The following MOXD1 variants were observed in gnomAD, a reference collection of about 807,000 sequenced individuals.
MOXD1 encodes the protein monooxygenase DBH like 1.
A neutral mutation model predicts 66.6 loss-of-function variants in MOXD1; 62 were observed. The observed-to-expected ratio is 0.93, with a 90% CI of 0.76 to 1.15. The LOEUF is 1.15. Ranked by LOEUF, MOXD1 falls within the 50% of genes most tolerant of loss-of-function variation. MOXD1 has a pLI of 0.00. For synonymous variants in MOXD1, 303 were observed against 281.9 expected (o/e 1.07, Z -0.75); for missense variants, 847 against 754.6 (o/e 1.12, Z -1.44).
chr6:132,394,559 C>T (rs1776832936), intron 1 of MOXD1, among the ~76,000 whole-genome samples: 1 of 151,614 alleles, frequency 6.6e-6, no homozygotes, highest in Non-Finnish European at 1.5e-5. Context: ...AAAAATAATG[C>T]AAAGAAACCA....
chr6:132,301,079 T>A (rs1355538309), intron 10 of MOXD1, among the ~76,000 whole-genome samples: 2 of 152,064 alleles, frequency 1.3e-5, no homozygotes, highest in Non-Finnish European at 2.9e-5. Flanking sequence ...TTTCTGCTTT[T>A]ACTGGGATTA....
intron 4 of MOXD1, among the ~76,000 whole-genome samples, chr6:132,336,996 C>T (rs1775455323): frequency 1.3e-5 from 2 of 152,106 alleles, no homozygotes; most frequent in Admixed American, 1.3e-4. Context: ...GATGATGTTT[C>T]TCAGCACATG....
intron 6 of MOXD1, chr6:132,325,019 T>A (rs1775158783): frequency 6.6e-6 from 1 of 151,958 alleles, no homozygotes; most frequent in Admixed American, 6.6e-5. Context: ...TTTTAATTTT[T>A]TTCAGATGTA....
chr6:132,351,434 G>C (rs1775801427), intron 4 of MOXD1, among the ~76,000 whole-genome samples: 1 of 152,110 alleles, frequency 6.6e-6, no homozygotes, highest in South Asian at 2.1e-4. Flanking sequence ...TTTATGTGCT[G>C]TATCACATTT....
chr6:132,385,841 G>A (rs369692142), intron 1 of MOXD1, among the ~76,000 whole-genome samples: 1 of 152,090 alleles, frequency 6.6e-6, no homozygotes, highest in African/African-American at 2.4e-5. Context: ...GGTGGCTCAC[G>A]CCTGTAAATC....
In MOXD1 at chr6:132,372,881, T is replaced by A. The variant is rs750159373; in HGVS notation, c.528A>T (p.Lys176Asn). The change falls in exon 3 of 12, where the codon AAA becomes AAT. Residue 176 changes from lysine (K) to asparagine (N), a missense_variant. Transcript: ENST00000367963. ...TKSLRLLNPEKTSVLSTALPY... is the reference protein window; with the variant it reads ...TKSLRLLNPENTSVLSTALPY... The stretch of plus-strand genomic sequence containing the variant: ...GTAAGGCTGTAGATAGCACACTAGT[T>A]TTCTCAGGATTCAATAACCGCAAAC... 1.9e-6 allele frequency: 3 copies of A among 1,614,056 alleles called. No individual in the cohort carries two copies. The Admixed American group carries it at 5.0e-5, about 27-fold the overall frequency.
chr6:132,338,583 A>G (rs1775486736), intron 4 of MOXD1, among the ~76,000 whole-genome samples: 1 of 152,122 alleles, frequency 6.6e-6, no homozygotes, highest in Non-Finnish European at 1.5e-5. Flanking sequence ...TACTCTCCCC[A>G]CCAGCCAACC....
At position 132,328,533 on chromosome 6, in the gene MOXD1, C is replaced by A; in HGVS notation, c.725G>T (p.Cys242Phe). 1 of 1,614,110 alleles carries A rather than the reference C, an allele frequency of 6.2e-7. No individual in the cohort carries two copies. Among genetic ancestry groups the A allele is most frequent in the Non-Finnish European group, 8.5e-7 (1 of 1,180,010 alleles). Residue 242 changes from cysteine to phenylalanine, a missense_variant, in exon 5 of 12, where the codon TGC becomes TTC. Transcript: ENST00000367963. Reference sequence around the variant, plus strand: ...AACGCTGTCGTTAAAGTTGTTGCTGCACTGATAGAGCAGGATGTGGTGCAC... The same window carrying A: ...AACGCTGTCGTTAAAGTTGTTGCTGAACTGATAGAGCAGGATGTGGTGCAC... ...SLVHHILLYQ[C>F]SNNFNDSVLE...
chr6:132,298,212 G>C (rs1041973155), intron 10 of MOXD1, among the ~76,000 whole-genome samples: 1 of 151,826 alleles, frequency 6.6e-6, no homozygotes, highest in Non-Finnish European at 1.5e-5. Context: ...ATAGATATGG[G>C]GTCTTGCTAT....
chr6:132,349,436 CATAT>C (rs1306974766), intron 4 of MOXD1, among the ~76,000 whole-genome samples: 363 of 17,238 alleles, frequency 0.021, 63 homozygotes, highest in South Asian at 0.12. Flanking sequence ...TATATATATA[CATAT>C]ATATATATAT....
Position 132,297,315 on chromosome 6 carries a change from A to G in MOXD1, c.1680T>C (p.Ile560=). 3 of 1,612,210 alleles carry G rather than the reference A, an allele frequency of 1.9e-6. No individual in the cohort carries two copies. Among genetic ancestry groups the G allele is most frequent in the Non-Finnish European group, 2.5e-6 (3 of 1,179,024 alleles). Reference sequence around the variant, plus strand: ...CTGGAGGTAATGCTGTCATTCCTTGAATCTGAAAATGGAAGCACAAACAAT... The same window carrying G: ...CTGGAGGTAATGCTGTCATTCCTTGGATCTGAAAATGGAAGCACAAACAAT... ...CSKTDNAEWS[I]QGMTALPPDI... Residue 560 remains isoleucine (I), a splice_region_variant and synonymous_variant, in exon 12 of 12, where the codon ATT becomes ATC. Transcript: ENST00000367963.
chr6:132,390,328 G>A lies in MOXD1; in HGVS notation c.264+10835C>T, dbSNP rs185774714. On this transcript the variant is annotated intron_variant, in intron 1 of 11. Coordinates refer to ENST00000367963, the MANE Select transcript of MOXD1 (RefSeq NM_015529.4). ...TTGAATTGTACACACTATGGTTAAC[G>A]TCGAAAGACAACCTTCAAAACTTGG... The A allele has an allele frequency of 2.9e-4, 44 of 151,586 alleles. 1 individual carries two copies. The highest frequency in any genetic ancestry group is 7.7e-4 in the African/African-American group (32 of 41,526). 9.4% of individuals were successfully genotyped at this position (151,586 alleles called of 1,614,324 possible). A position where few individuals can be genotyped will look rare whatever the true frequency, so the allele number is the denominator to read the frequency against.
rs567412988 is a variant in MOXD1 at position 132,352,209 on chromosome 6, T to G, written c.663+20399A>C. Among the ~76,000 whole-genome samples the G allele has an allele frequency of 8.3e-4, 126 of 152,294 alleles. 1 individual carries two copies. The South Asian group carries it at 9.5e-3, about 12-fold the overall frequency. ...GTTTGTTCTTGTTTCTCTAGTTCCT[T>G]GAAGTGTGACCTTAGAATGTCAGTT... On this transcript the variant is annotated intron_variant, in intron 4 of 11. Coordinates refer to ENST00000367963, the MANE Select transcript of MOXD1 (RefSeq NM_015529.4).
intron 10 of MOXD1, among the ~76,000 whole-genome samples, chr6:132,315,157 T>C (rs1774914840): frequency 2.6e-5 from 4 of 152,220 alleles, no homozygotes; most frequent in Admixed American, 2.6e-4. Flanking sequence ...AGACCACCTA[T>C]ATGACTAGTT....
At chr6:132,301,332 C>T (rs566296074) in intron 10 of MOXD1, among the ~76,000 whole-genome samples, 1 of 151,876 alleles carries the variant, frequency 6.6e-6, no homozygotes, top group African/African-American at 2.4e-5. Context: ...AAGAAGATAG[C>T]AAAGTTGACT....
intron 10 of MOXD1, among the ~76,000 whole-genome samples, chr6:132,302,173 G>C (rs948367534): frequency 6.6e-6 from 1 of 152,126 alleles, no homozygotes; most frequent in Non-Finnish European, 1.5e-5. Context: ...ACAATTCCCA[G>C]AGCCTGTATA....
intron 10 of MOXD1, among the ~76,000 whole-genome samples, chr6:132,303,855 A>G (rs1283360140): frequency 7.1e-5 from 5 of 70,454 alleles, no homozygotes; most frequent in East Asian, 1.4e-3. Flanking sequence ...ATATATATAT[A>G]TATATATATA....
intron 4 of MOXD1, among the ~76,000 whole-genome samples, chr6:132,334,590 ATCTT>A (rs1197987331): frequency 6.6e-6 from 1 of 152,234 alleles, no homozygotes; most frequent in Admixed American, 6.5e-5. Context: ...CAGAACGTCA[ATCTT>A]TCTTTGGTTT....
intron 5 of MOXD1, 64 bp from the exon 6 acceptor site, chr6:132,328,179 A>T (rs1775230356): frequency 4.3e-6 from 6 of 1,395,748 alleles, no homozygotes; most frequent in Non-Finnish European, 6.0e-6. Context: ...TATTCCACTC[A>T]AAAACCAGCC....
Sources: gnomAD v4.1 joint callset for allele counts (sites outside exome capture counted in the v4.1 genomes callset) on GRCh38, gnomAD v4.1.1 for gene constraint, MANE v1.5 for transcripts, NCBI Gene and HGNC (gene_info 2026-07-23, HGNC 2026-07-21) for gene names.